ABLIM1: variants seen among roughly 807,000 people sequenced by gnomAD.
The protein encoded by ABLIM1 is actin binding LIM protein 1.
Under a neutral mutation model 107.0 loss-of-function variants are expected in ABLIM1, and 40 were observed. That is an observed-to-expected ratio of 0.37 (90% CI 0.29 to 0.49). The LOEUF is 0.49. ABLIM1 is among the 20% of genes least tolerant of loss of function. The pLI is 0.97. For synonymous variants in ABLIM1, 357 were observed against 357.3 expected (o/e 1.00, Z 0.01); for missense variants, 857 against 1,008.5 (o/e 0.85, Z 2.04).
chr10:114,445,553 T>C (rs2060886822), intron 15 of ABLIM1, 150 bp from the exon 16 acceptor site: 2 of 658,706 alleles, frequency 3.0e-6, no homozygotes, highest in Non-Finnish European at 2.7e-6. Flanking sequence ...AAAACAAAAA[T>C]GCCTGCCACC....
At chr10:114,562,226 C>T (rs762597006) in intron 4 of ABLIM1, among the ~76,000 whole-genome samples, 2 of 152,256 alleles carry the variant, frequency 1.3e-5, no homozygotes, top group Middle Eastern at 3.4e-3. Flanking sequence ...GACACCTCTA[C>T]CTCTTCTTAA....
At chr10:114,568,954 C>G (rs1262945628) in intron 4 of ABLIM1, among the ~76,000 whole-genome samples, 3 of 152,092 alleles carry the variant, frequency 2.0e-5, no homozygotes, top group African/African-American at 7.2e-5. Flanking sequence ...TTCGGTAGAG[C>G]TGTGACTAGG....
At chr10:114,763,528 A>G (rs1404459206) in intron 1 of ABLIM1, among the ~76,000 whole-genome samples, 2 of 151,552 alleles carry the variant, frequency 1.3e-5, no homozygotes, top group Admixed American at 6.6e-5. Context: ...CTGGGACTAC[A>G]GGTGCACAAC....
chr10:114,692,613 C>T (rs1056181312), intron 1 of ABLIM1, among the ~76,000 whole-genome samples: 1 of 152,048 alleles, frequency 6.6e-6, no homozygotes, highest in African/African-American at 2.4e-5. Flanking sequence ...AAAAACGGGT[C>T]AGGAGTGGTG....
intron 1 of ABLIM1, among the ~76,000 whole-genome samples, chr10:114,645,218 A>C (rs2078961584): frequency 6.6e-6 from 1 of 152,178 alleles, no homozygotes; most frequent in South Asian, 2.1e-4. Flanking sequence ...TGTACCTGAA[A>C]GCAGCTATCA....
chr10:114,787,611 CCGTCCGGGAGG>C, the ABLIM1 span, among the ~76,000 whole-genome samples: 1 of 146,628 alleles, frequency 6.8e-6, no homozygotes, highest in South Asian at 2.2e-4. Context: ...GCCAGCCGCC[CCGTCCGGGAGG>C]TGAGGGGTGC....
At chr10:114,472,282 G>T (rs1041007172) in intron 10 of ABLIM1, among the ~76,000 whole-genome samples, 1 of 151,962 alleles carries the variant, frequency 6.6e-6, no homozygotes, top group Non-Finnish European at 1.5e-5. Flanking sequence ...TATAGATGAG[G>T]TCTCAACTAT....
At position 114,545,098 on chromosome 10, in the gene ABLIM1, C is replaced by G; in HGVS notation, c.801G>C (p.Lys267Asn). 1.2e-6 allele frequency: 2 copies of G among 1,614,096 alleles called. No individual in the cohort carries two copies. The highest frequency in any genetic ancestry group is 1.7e-6 in the Non-Finnish European group (2 of 1,179,978). The stretch of plus-strand genomic sequence containing the variant: ...CCTTTTCACAGTACGGAGCACCATC[C>G]CTGCAAGACAAAAACGTGTTCGGCT... ...GKVLTGEYIS[K>N]DGAPYCEKDY... is the part of the protein sequence containing the mutation. The change falls in exon 6 of 23, where the codon AAG (lysine) becomes AAC (asparagine). Residue 267 changes from lysine to asparagine, a missense_variant and splice_region_variant. Transcript: ENST00000533213.
In ABLIM1 at chr10:114,465,729, C is replaced by G; in HGVS notation, c.1410G>C (p.Thr470=). 6.2e-7 allele frequency: 1 copy of G among 1,614,098 alleles called. No individual in the cohort carries two copies. Among genetic ancestry groups the G allele is most frequent in the Non-Finnish European group, 8.5e-7 (1 of 1,180,006 alleles). ...VYSRHSYTPT[T]SRSPQHFHRP... is the part of the protein sequence containing the mutation. ...TGTGGAAATGCTGGGGAGAGCGGGA[C>G]GTGGTTGGAGTGTAGCTGTGGCGGC... The change falls in exon 12 of 23, where the codon ACG becomes ACC. Residue 470 remains threonine, a synonymous_variant. Transcript: ENST00000533213.
Position 114,571,332 on chromosome 10 carries a change from A to G in ABLIM1, c.638T>C (p.Met213Thr), listed in dbSNP as rs755679068. Reference sequence around the variant, plus strand: ...GGTGGTTTCTTTCGGACTGGACGACATCGGCTGTGCACAGAGTTGACAAAG... The same window carrying G: ...GGTGGTTTCTTTCGGACTGGACGACGTCGGCTGTGCACAGAGTTGACAAAG... ...DCLCQLCAQP[M>T]SSSPKETTFS... The change falls in exon 4 of 23, where the codon ATG becomes ACG. Residue 213 changes from methionine to threonine, a missense_variant. By Grantham distance (81) the Met-to-Thr change is moderately conservative (BLOSUM62 -1). Transcript: ENST00000533213. 1.6e-5 allele frequency: 26 copies of G among 1,614,104 alleles called. No individual in the cohort carries two copies. The highest frequency in any genetic ancestry group is 2.2e-5 in the East Asian group (1 of 44,896).
chr10:114,535,171 G>A (rs898354923), intron 6 of ABLIM1, among the ~76,000 whole-genome samples: 1 of 152,140 alleles, frequency 6.6e-6, no homozygotes, highest in Non-Finnish European at 1.5e-5. Flanking sequence ...AACTTGAGTC[G>A]ACTTTCCCAG....
chr10:114,742,481 A>G (rs895226215), intron 1 of ABLIM1, among the ~76,000 whole-genome samples: 2 of 152,196 alleles, frequency 1.3e-5, no homozygotes, highest in Non-Finnish European at 2.9e-5. Context: ...CAAAGATGAA[A>G]ACATTCTCAT....
chr10:114,660,981 A>C (rs2079769986), upstream of ABLIM1, among the ~76,000 whole-genome samples: 1 of 151,924 alleles, frequency 6.6e-6, no homozygotes. Context: ...CACTGCATTA[A>C]CTCTACCTCA....
chr10:114,517,057 C>A (rs536741658), intron 6 of ABLIM1, among the ~76,000 whole-genome samples: 1 of 152,220 alleles, frequency 6.6e-6, no homozygotes, highest in East Asian at 1.9e-4. Context: ...AAGAACAAGG[C>A]TTTTGCCCCT....
intron 1 of ABLIM1, chr10:114,767,998 GC>G: frequency 2.4e-6 from 1 of 412,626 alleles, no homozygotes; most frequent in Non-Finnish European, 4.8e-6. Context: ...CAGCCCCCCC[GC>G]CCTCCCGCAC....
At chr10:114,538,311 C>T (rs1315823048) in intron 6 of ABLIM1, among the ~76,000 whole-genome samples, 1 of 152,178 alleles carries the variant, frequency 6.6e-6, no homozygotes, top group Non-Finnish European at 1.5e-5. Context: ...TTCCTTCACC[C>T]CAGGAGTTCA....
the ABLIM1 span, among the ~76,000 whole-genome samples, chr10:114,790,919 C>T: frequency 0.63 from 96,374 of 151,996 alleles, 30,519 homozygotes; most frequent in Non-Finnish European, 0.64. Flanking sequence ...ATTAAAATTA[C>T]ATGTATTTGT....
intron 6 of ABLIM1, among the ~76,000 whole-genome samples, chr10:114,536,280 T>A: frequency 8.6e-6 from 1 of 115,950 alleles, no homozygotes; most frequent in Admixed American, 1.3e-4. Flanking sequence ...GGAGTCTCAC[T>A]CTTGTCGCCC....
rs573264796 is a variant in ABLIM1, at chr10:114,565,944, G to A, written c.673+5353C>T. Among the ~76,000 whole-genome samples, 7 of 151,780 alleles carry A rather than the reference G, an allele frequency of 4.6e-5. No homozygotes were observed. In the South Asian group the frequency reaches 8.3e-4, roughly 18 times the overall value. On this transcript the variant is annotated intron_variant, in intron 4 of 22. Transcript: ENST00000533213. ...TGAGTAGCTGGGACTATAGGCGCCC[G>A]CCACCATGCCTCGCTAATTTTTTTG...
Sources: allele counts gnomAD v4.1 joint callset (sites outside exome capture counted in the v4.1 genomes callset), GRCh38; gene constraint gnomAD v4.1.1; transcripts MANE v1.5; gene names NCBI Gene and HGNC (gene_info 2026-07-23, HGNC 2026-07-21).